Variants in MECOM observed in about 807,000 individuals in gnomAD.
MECOM encodes the protein histone-lysine N-methyltransferase MECOM.
MECOM carries 13 observed loss-of-function variants against 116.3 expected under a neutral mutation model. That is an observed-to-expected ratio of 0.11 (90% CI 0.07 to 0.18). The LOEUF is 0.18. MECOM is among the 10% of genes least tolerant of loss of function. The pLI, the probability that MECOM is intolerant of heterozygous loss-of-function variation, is 1.00. For missense variants in MECOM, 1,299 were observed against 1,509.0 expected, an observed-to-expected ratio of 0.86 and a Z score of 2.31; for synonymous variants, 528 against 535.2, an observed-to-expected ratio of 0.99 and a Z score of 0.19.
chr3:169,401,598 C>T (rs1343505975), intron 1 of MECOM, among the ~76,000 whole-genome samples: 1 of 152,036 alleles, frequency 6.6e-6, no homozygotes, highest in Non-Finnish European at 1.5e-5. Context: ...TTAATTCTGT[C>T]TTAGGGTAGA....
chr3:169,249,180 G>A (rs1206507980), intron 2 of MECOM, among the ~76,000 whole-genome samples: 1 of 152,106 alleles, frequency 6.6e-6, no homozygotes, highest in Non-Finnish European at 1.5e-5. Flanking sequence ...ATTGTTGAAC[G>A]AGTGGGCGAA....
chr3:169,274,279 G>A (rs914953052), intron 2 of MECOM, among the ~76,000 whole-genome samples: 3 of 152,074 alleles, frequency 2.0e-5, no homozygotes, highest in African/African-American at 7.2e-5. Flanking sequence ...TTCAATAGAG[G>A]AAAGATACAC....
chr3:169,533,686 A>C (rs994303670), intron 1 of MECOM, among the ~76,000 whole-genome samples: 11 of 150,870 alleles, frequency 7.3e-5, no homozygotes, highest in Admixed American at 1.3e-4. Context: ...AGAAGGAAAA[A>C]GAAAATGCAG....
intron 2 of MECOM, among the ~76,000 whole-genome samples, chr3:169,183,864 TTTTCTC>T (rs371610392): frequency 0.066 from 9,563 of 144,066 alleles, 581 homozygotes; most frequent in South Asian, 0.16. Flanking sequence ...CTTTTTTCTT[TTTTCTC>T]TTTTTTTTTA....
chr3:169,131,291 T>A, intron 4 of MECOM, 138 bp downstream of exon 4: 1 of 736,446 alleles, frequency 1.4e-6, no homozygotes, highest in Non-Finnish European at 2.3e-6. Context: ...AAATAGCTGC[T>A]TCAAGAGAAG....
intron 1 of MECOM, among the ~76,000 whole-genome samples, chr3:169,440,860 C>T (rs1331254939): frequency 2.0e-5 from 3 of 152,056 alleles, no homozygotes; most frequent in African/African-American, 7.2e-5. Context: ...GTAATCACCT[C>T]TGGATATGAA....
At position 169,570,372 on chromosome 3, in the gene MECOM, A is replaced by T. The variant is rs138653436; in HGVS notation, c.37+92964T>A. ...ATAGCCTACCAATCAAAAAAAGCCC[A>T]GGACCAGACGGATTCACAGCTGAAT... On this transcript the variant is annotated intron_variant, in intron 1 of 16. Coordinates refer to ENST00000651503, the MANE Select transcript of MECOM (RefSeq NM_004991.4). Among the ~76,000 whole-genome samples, 848 of 152,330 alleles carry T rather than the reference A, an allele frequency of 5.6e-3. 13 individuals are homozygous for T. Among genetic ancestry groups the T allele is most frequent in the African/African-American group, 0.02 (824 of 41,578 alleles).
chr3:169,652,077 G>C (rs1029695625), intron 1 of MECOM, among the ~76,000 whole-genome samples: 3 of 152,176 alleles, frequency 2.0e-5, no homozygotes, highest in Non-Finnish European at 4.4e-5. Context: ...AACATGCTAA[G>C]GTGAATCAAG....
At chr3:169,485,866 A>ATATGTATATATG (rs1752085397) in intron 1 of MECOM, among the ~76,000 whole-genome samples, 1 of 93,804 alleles carries the variant, frequency 1.1e-5, no homozygotes, top group African/African-American at 4.1e-5. Context: ...CCATATGTAT[A>ATATGTATATATG]GTATATATGT....
At position 169,459,886 on chromosome 3, in the gene MECOM, T is replaced by G. The variant is rs562088880; in HGVS notation, c.38-78362A>C. ...TGCAAAAGCATCTGGTGCTAGGCAG[T>G]GGAGAAGCACCCGAGACTGGCGTTA... On this transcript the variant is annotated intron_variant, in intron 1 of 16. Transcript: ENST00000651503. Among the ~76,000 whole-genome samples the G allele has an allele frequency of 3.9e-5, 6 of 152,308 alleles. No individual in the cohort carries two copies. The South Asian group carries it at 6.2e-4, about 16-fold the overall frequency.
Position 169,280,144 on chromosome 3 carries a change from T to C in MECOM, c.375+101043A>G, listed in dbSNP as rs141979577. Among the ~76,000 whole-genome samples the C allele has an allele frequency of 2.5e-3, 382 of 152,330 alleles. 5 individuals are homozygous for C. The highest frequency in any genetic ancestry group is 0.019 in the Admixed American group (283 of 15,296). The stretch of plus-strand genomic sequence containing the variant: ...AAGGGAAAGAAATGTCTGTGGAACA[T>C]GCCACGGGATGAGGCACAATCTAGA... On this transcript the variant is annotated intron_variant, in intron 2 of 16. Transcript: ENST00000651503.
chr3:169,142,405 A>G (rs1408876962), intron 3 of MECOM, among the ~76,000 whole-genome samples: 5 of 151,922 alleles, frequency 3.3e-5, no homozygotes, highest in Non-Finnish European at 5.9e-5. Context: ...TTCACTCACA[A>G]TACCTATGTA....
intron 1 of MECOM, among the ~76,000 whole-genome samples, chr3:169,573,711 A>G (rs1454229527): frequency 6.6e-6 from 1 of 152,178 alleles, no homozygotes; most frequent in African/African-American, 2.4e-5. Flanking sequence ...AAATATCTTC[A>G]TATCTCCCAA....
At chr3:169,157,026 A>G (rs571122883) in intron 2 of MECOM, among the ~76,000 whole-genome samples, 2 of 152,326 alleles carry the variant, frequency 1.3e-5, no homozygotes, top group Admixed American at 1.3e-4. Context: ...ACCTTGATGA[A>G]CTAATGTTGT....
At chr3:169,643,799 T>C (rs985890003) in intron 1 of MECOM, among the ~76,000 whole-genome samples, 2 of 152,206 alleles carry the variant, frequency 1.3e-5, no homozygotes, top group Non-Finnish European at 2.9e-5. Flanking sequence ...AAACACTCTA[T>C]AGCAGAAACT....
rs1281476540 is a variant in MECOM, at chr3:169,180,188, T to G, written c.376-36356A>C. 1.3e-5 allele frequency among the ~76,000 whole-genome samples: 2 copies of G among 152,216 alleles called. 1 individual carries two copies. Among genetic ancestry groups the G allele is most frequent in the African/African-American group, 4.8e-5 (2 of 41,464 alleles). ...CTTAAAGTTCAGGCCCAATATTATT[T>G]CCATTTAGAAAATTATTTGTATAGC... On this transcript the variant is annotated intron_variant, in intron 2 of 16. Transcript: ENST00000651503.
intron 2 of MECOM, among the ~76,000 whole-genome samples, chr3:169,149,077 CT>C (rs60870748): frequency 0.11 from 12,328 of 115,106 alleles, 881 homozygotes; most frequent in East Asian, 0.27. Flanking sequence ...TCGGAGCTTT[CT>C]TTTTTTTTTT....
intron 2 of MECOM, among the ~76,000 whole-genome samples, chr3:169,222,103 G>A (rs1577385171): frequency 6.6e-6 from 1 of 152,142 alleles, no homozygotes; most frequent in Non-Finnish European, 1.5e-5. Context: ...CTACCTTACT[G>A]GAGAACACAG....
chr3:169,106,895 A>ATC (rs1272372713), intron 10 of MECOM, among the ~76,000 whole-genome samples: 1 of 152,174 alleles, frequency 6.6e-6, no homozygotes, highest in African/African-American at 2.4e-5. Flanking sequence ...TAGTGGGTTG[A>ATC]TCTCTCTTCC....
Sources: allele counts gnomAD v4.1 joint callset (sites outside exome capture counted in the v4.1 genomes callset), GRCh38; gene constraint gnomAD v4.1.1; transcripts MANE v1.5; gene names NCBI Gene and HGNC (gene_info 2026-07-23, HGNC 2026-07-21).